The following KL variants were observed in gnomAD, a reference collection of about 807,000 sequenced individuals.
The protein encoded by KL is alpha-klotho.
In KL, 62 loss-of-function variants were observed where a neutral mutation model predicts 84.2. The observed-to-expected ratio is 0.74, with a 90% CI of 0.60 to 0.91. The LOEUF is 0.91. Ranked by LOEUF, KL falls within the 40% of genes least tolerant of loss-of-function variation. KL has a pLI of 0.00. For synonymous variants in KL, 528 were observed against 528.0 expected, an observed-to-expected ratio of 1.00 and a Z score of 0.00; for missense variants, 1,261 against 1,305.7, an observed-to-expected ratio of 0.97 and a Z score of 0.53.
intron 1 of KL, among the ~76,000 whole-genome samples, chr13:33,026,769 GGCACCCCCATGA>G (rs1870793593): frequency 1.3e-5 from 2 of 152,140 alleles, no homozygotes; most frequent in Admixed American, 1.3e-4. Flanking sequence ...CAGTGAGATT[GGCACCCCCATGA>G]GCATATTCCT....
chr13:33,057,564 G>A (rs535986429), intron 3 of KL, among the ~76,000 whole-genome samples: 9 of 152,156 alleles, frequency 5.9e-5, no homozygotes, highest in South Asian at 2.1e-4. Context: ...CAGATCACAC[G>A]GTCCTTTTTT....
chr13:33,026,242 T>A (rs1010412189), intron 1 of KL, among the ~76,000 whole-genome samples: 2 of 152,172 alleles, frequency 1.3e-5, no homozygotes, highest in African/African-American at 4.8e-5. Flanking sequence ...TACTCAAGAC[T>A]GGATTTGCCC....
chr13:33,056,849 T>C (rs1361113317), intron 3 of KL, among the ~76,000 whole-genome samples: 1 of 152,010 alleles, frequency 6.6e-6, no homozygotes, highest in Non-Finnish European at 1.5e-5. Flanking sequence ...TATGCCAGGA[T>C]ATGTGAGCCC....
In KL at chr13:33,061,192, A is replaced by G; in HGVS notation, c.2113A>G (p.Lys705Glu). ...MTYSAGHNLLKAHALAWHVYN... is the reference protein window; with the variant it reads ...MTYSAGHNLLEAHALAWHVYN... ...ATACAGTGCTGGCCACAACCTTCTG[A>G]AGGCCCATGCCCTGGCTTGGCATGT... Residue 705 changes from lysine (K) to glutamate (E), a missense_variant, in exon 4 of 5, where the codon AAG (lysine) becomes GAG (glutamate). Transcript: ENST00000380099. 1.2e-6 allele frequency: 2 copies of G among 1,614,272 alleles called. No homozygotes were observed. Among genetic ancestry groups the G allele is most frequent in the Non-Finnish European group, 1.7e-6 (2 of 1,180,054 alleles).
rs770034949 is a variant in KL, at chr13:33,054,258, C to A, written c.1311C>A (p.Phe437Leu). Residue 437 changes from phenylalanine (F) to leucine (L), a missense_variant, in exon 2 of 5, where the codon TTC becomes TTA. Coordinates refer to ENST00000380099, the MANE Select transcript of KL (RefSeq NM_004795.4). ...AATATATGTATTACCTCAAAAAGTT[C>A]ATCATGGAAACCTTAAAAGGTATGA... ...DAKYMYYLKKFIMETLKAIKL... is the reference protein window; with the variant it reads ...DAKYMYYLKKLIMETLKAIKL... The A allele has an allele frequency of 1.2e-6, 2 of 1,613,342 alleles. No individual in the cohort carries two copies. Among genetic ancestry groups the A allele is most frequent in the Non-Finnish European group, 1.7e-6 (2 of 1,179,922 alleles).
At chr13:33,059,301 A>T (rs1405294873) in intron 3 of KL, among the ~76,000 whole-genome samples, 1 of 152,144 alleles carries the variant, frequency 6.6e-6, no homozygotes, top group Non-Finnish European at 1.5e-5. Flanking sequence ...TACTTTTTTT[A>T]AATTTTTATT....
At position 33,017,219 on chromosome 13, in the gene KL, GC is replaced by G; in HGVS notation, c.782del (p.Pro261ArgfsTer38). ...TGRLAPGIRGSPRLGYLVAHN... is the reference protein window; with the variant it reads ...TGRLAPGIRGXPRLGYLVAHN... ...CGCCTGGCCCCCGGCATCCGGGGCA[GC>G]CCGCGGCTCGGGTACCTGGTGGCGC... On this transcript the variant is annotated frameshift_variant, in exon 1 of 5. Transcript: ENST00000380099. LOFTEE classifies it high-confidence loss of function. 6.3e-7 allele frequency: 1 copy of G among 1,592,494 alleles called. No individual in the cohort carries two copies. The highest frequency in any genetic ancestry group is 2.2e-5 in the East Asian group (1 of 44,690).
intron 3 of KL, among the ~76,000 whole-genome samples, chr13:33,056,187 G>T (rs1458506730): frequency 6.6e-6 from 1 of 152,178 alleles, no homozygotes; most frequent in African/African-American, 2.4e-5. Flanking sequence ...GGGGCTGGGG[G>T]ATTGCTGCTG....
At chr13:33,033,443 C>T (rs544112071) in intron 1 of KL, among the ~76,000 whole-genome samples, 42 of 152,320 alleles carry the variant, frequency 2.8e-4, no homozygotes, top group African/African-American at 9.9e-4. Flanking sequence ...TGTTTCAACA[C>T]ATTTTGTCTC....
intron 1 of KL, among the ~76,000 whole-genome samples, chr13:33,044,620 A>G (rs191902866): frequency 3.4e-4 from 45 of 132,656 alleles, no homozygotes; most frequent in African/African-American, 1.2e-3. Flanking sequence ...TTCTGTTCAT[A>G]TATAAATGCA....
chr13:33,019,119 GCAAA>G (rs1235711678), intron 1 of KL, among the ~76,000 whole-genome samples: 5 of 151,760 alleles, frequency 3.3e-5, no homozygotes, highest in African/African-American at 1.2e-4. Flanking sequence ...TGCTGATGTT[GCAAA>G]CAAACTGTTA....
chr13:33,024,563 A>G (rs1218677399), intron 1 of KL, among the ~76,000 whole-genome samples: 1 of 152,156 alleles, frequency 6.6e-6, no homozygotes, highest in Non-Finnish European at 1.5e-5. Flanking sequence ...GCATATTTGT[A>G]GGGCTCTTTT....
upstream of KL, chr13:33,016,417 C>A: frequency 3.3e-6 from 3 of 916,836 alleles, no homozygotes; most frequent in Non-Finnish European, 3.9e-6. Context: ...GGCGCGGGGC[C>A]CCGGAGCCTG....
At chr13:33,052,007 A>G (rs1319423927) in intron 1 of KL, among the ~76,000 whole-genome samples, 3 of 152,142 alleles carry the variant, frequency 2.0e-5, no homozygotes, top group Non-Finnish European at 4.4e-5. Context: ...CCTGGGCTGG[A>G]GGTCAGTGGT....
Position 33,064,104 on chromosome 13 carries a change from T to C in KL, c.2957T>C (p.Ile986Thr), listed in dbSNP as rs943876768. The C allele has an allele frequency of 3.7e-6, 6 of 1,613,822 alleles. No homozygotes were observed. The highest frequency in any genetic ancestry group is 1.3e-5 in the African/African-American group (1 of 74,904). Residue 986 changes from isoleucine to threonine, a missense_variant, in exon 5 of 5, where the codon ATA (isoleucine) becomes ACA (threonine). By Grantham distance (89) the Ile-to-Thr change is moderately conservative (BLOSUM62 -1). Coordinates refer to ENST00000380099, the MANE Select transcript of KL (RefSeq NM_004795.4). ...FHTRKSLLAF[I>T]AFLFFASIIS... ...ACCCGAAAGTCTTTACTGGCTTTCA[T>C]AGCTTTTCTATTTTTTGCTTCTATT...
intron 1 of KL, among the ~76,000 whole-genome samples, chr13:33,029,785 C>T (rs1870907868): frequency 6.6e-6 from 1 of 152,176 alleles, no homozygotes; most frequent in Admixed American, 6.5e-5. Context: ...AGGCACCTGC[C>T]GCCATGCCTG....
intron 4 of KL, among the ~76,000 whole-genome samples, chr13:33,062,703 C>T (rs1355838517): frequency 2.1e-5 from 3 of 140,340 alleles, no homozygotes; most frequent in Non-Finnish European, 4.6e-5. Context: ...AAGGATTTAA[C>T]CCAAGTATAT....
In KL at chr13:33,053,830, T is replaced by C; in HGVS notation, c.883T>C (p.Ser295Pro). The C allele has an allele frequency of 6.2e-7, 1 of 1,614,042 alleles. No homozygotes were observed. The highest frequency in any genetic ancestry group is 8.5e-7 in the Non-Finnish European group (1 of 1,179,940). The change falls in exon 2 of 5, where the codon TCC (serine) becomes CCC (proline). Residue 295 changes from serine (S) to proline (P), a missense_variant. By Grantham distance (74) the Ser-to-Pro change is moderately conservative. Coordinates refer to ENST00000380099, the MANE Select transcript of KL (RefSeq NM_004795.4). ...CCGTCCCACTCAGGGAGGTCAGGTGTCCATTGCCCTAAGCTCTCACTGGAT... is the reference window on the plus strand; with the variant it reads ...CCGTCCCACTCAGGGAGGTCAGGTGCCCATTGCCCTAAGCTCTCACTGGAT... ...SFRPTQGGQVSIALSSHWINP... is the reference protein window; with the variant it reads ...SFRPTQGGQVPIALSSHWINP...
rs112505902 is a variant in KL, at chr13:33,033,289, C to G, written c.819+16030C>G. ...TACGGGAGATGGGAGAGTGAAAAAC[C>G]ATGTCATTTACAATTTGATTAAAAA... On this transcript the variant is annotated intron_variant, in intron 1 of 4. Transcript: ENST00000380099. Among the ~76,000 whole-genome samples the G allele has an allele frequency of 1.6e-3, 239 of 152,244 alleles. 3 individuals carry two copies. Among genetic ancestry groups the G allele is most frequent in the African/African-American group, 5.6e-3 (233 of 41,548 alleles).
Sources: allele counts gnomAD v4.1 joint callset (sites outside exome capture counted in the v4.1 genomes callset), GRCh38; gene constraint gnomAD v4.1.1; transcripts MANE v1.5; gene names NCBI Gene and HGNC (gene_info 2026-07-23, HGNC 2026-07-21).